The following LRRC18 variants were observed in gnomAD, a reference collection of about 807,000 sequenced individuals.
LRRC18 encodes leucine rich repeat containing 18, also known as leucine-rich repeat-containing protein 18.
In LRRC18, 12 loss-of-function variants were observed where a neutral mutation model predicts 11.2. The ratio of observed to expected loss-of-function variants is 1.07; its 90% CI spans 0.69 to 1.74. The LOEUF is 1.74. Among genes scored for constraint, LRRC18 ranks in the 40% most tolerant of loss-of-function variants. LRRC18 has a pLI of 0.00. For missense variants in LRRC18, 374 were observed against 330.5 expected (o/e 1.13, Z -1.02); for synonymous variants, 155 against 130.6 (o/e 1.19, Z -1.27).
At chr10:48,936,833 G>A in the LRRC18 span, among the ~76,000 whole-genome samples, 7 of 137,326 alleles carry the variant, frequency 5.1e-5, no homozygotes, top group East Asian at 4.4e-4. Flanking sequence ...GTGAGACTCC[G>A]TCTCAAAAAA....
the LRRC18 span, among the ~76,000 whole-genome samples, chr10:48,938,373 G>C: frequency 4.6e-5 from 7 of 152,256 alleles, no homozygotes; most frequent in African/African-American, 1.7e-4. Flanking sequence ...ACTCCTTCCA[G>C]GGCTGAGAGG....
chr10:48,929,717 T>C, the LRRC18 span, among the ~76,000 whole-genome samples: 130 of 152,204 alleles, frequency 8.5e-4, no homozygotes, highest in Non-Finnish European at 1.7e-3. Context: ...CATTTCTTCT[T>C]GGATGATGAT....
chr10:48,927,495 A>G, the LRRC18 span, among the ~76,000 whole-genome samples: 2 of 152,234 alleles, frequency 1.3e-5, no homozygotes, highest in African/African-American at 4.8e-5. Context: ...CCTGTAAAGT[A>G]GCAAATGGAG....
chr10:48,927,925 C>G, the LRRC18 span, among the ~76,000 whole-genome samples: 6 of 152,304 alleles, frequency 3.9e-5, no homozygotes, highest in South Asian at 1.2e-3. Flanking sequence ...GTTTAACAGA[C>G]TAGAAATGCC....
chr10:48,912,735 G>T (rs1028880552), intron 1 of LRRC18, among the ~76,000 whole-genome samples: 1 of 152,246 alleles, frequency 6.6e-6, no homozygotes, highest in African/African-American at 2.4e-5. Flanking sequence ...GGATGGGAGT[G>T]CAACTTCATT....
At chr10:48,927,739 A>C in the LRRC18 span, among the ~76,000 whole-genome samples, 124 of 152,346 alleles carry the variant, frequency 8.1e-4, 1 homozygote, top group Non-Finnish European at 1.4e-3. Flanking sequence ...TTCAACTTTT[A>C]TTTGGAGCAA....
At chr10:48,931,490 G>A in the LRRC18 span, among the ~76,000 whole-genome samples, 6,161 of 152,254 alleles carry the variant, frequency 0.04, 235 homozygotes, top group African/African-American at 0.091. Flanking sequence ...GTGGCCTGTT[G>A]TGAGAGGGTG....
upstream of LRRC18, among the ~76,000 whole-genome samples, chr10:48,917,081 T>C (rs138757422): frequency 6.7e-4 from 102 of 152,340 alleles, no homozygotes; most frequent in African/African-American, 2.1e-3. Flanking sequence ...TAACATGCTG[T>C]ACAGGTCTGT....
At chr10:48,921,847 A>G in the LRRC18 span, among the ~76,000 whole-genome samples, 38 of 152,322 alleles carry the variant, frequency 2.5e-4, no homozygotes, top group African/African-American at 8.9e-4. Context: ...CTGCAACTAG[A>G]GTTCTCATTC....
chr10:48,912,797 C>T (rs1338122321), intron 1 of LRRC18, among the ~76,000 whole-genome samples: 1 of 152,214 alleles, frequency 6.6e-6, no homozygotes. Flanking sequence ...GCTCATAGAG[C>T]AAGTTATGCA....
At chr10:48,936,480 GAA>G in the LRRC18 span, among the ~76,000 whole-genome samples, 2 of 152,104 alleles carry the variant, frequency 1.3e-5, no homozygotes, top group African/African-American at 4.8e-5. Context: ...ATCAATATTT[GAA>G]AGAGGAAAAT....
the LRRC18 span, among the ~76,000 whole-genome samples, chr10:48,939,037 T>C: frequency 0.93 from 141,982 of 152,254 alleles, 66,484 homozygotes; most frequent in East Asian, 1. Flanking sequence ...CAGTCTTGTC[T>C]TGTAGCTCAA....
At chr10:48,926,031 A>T in the LRRC18 span, among the ~76,000 whole-genome samples, 5 of 152,234 alleles carry the variant, frequency 3.3e-5, no homozygotes, top group Non-Finnish European at 7.3e-5. Flanking sequence ...AATGTGTCTG[A>T]TACGCAAGCT....
chr10:48,933,983 C>T, the LRRC18 span, among the ~76,000 whole-genome samples: 1 of 152,134 alleles, frequency 6.6e-6, no homozygotes, highest in Admixed American at 6.5e-5. Flanking sequence ...CAGACAACCA[C>T]AGGGCTCAGG....
chr10:48,912,316 T>C (rs12267434), intron 1 of LRRC18, among the ~76,000 whole-genome samples: 12,788 of 152,284 alleles, frequency 0.084, 1,190 homozygotes, highest in African/African-American at 0.23. Context: ...CTGCCTGTTT[T>C]AGAGGCACAG....
the LRRC18 span, among the ~76,000 whole-genome samples, chr10:48,934,206 C>T: frequency 2.0e-5 from 3 of 152,182 alleles, no homozygotes; most frequent in African/African-American, 4.8e-5. Context: ...ACATAGCATC[C>T]GTGTTGTTGA....
intron 1 of LRRC18, among the ~76,000 whole-genome samples, chr10:48,911,482 CACAAG>C (rs1837999605): frequency 6.6e-6 from 1 of 152,164 alleles, no homozygotes; most frequent in Admixed American, 6.5e-5. Flanking sequence ...AGGCTCTCAT[CACAAG>C]ACTATTCCCA....
At chr10:48,916,555 T>C (rs2133539865), upstream of LRRC18, among the ~76,000 whole-genome samples, 1 of 152,284 alleles carries the variant, frequency 6.6e-6, no homozygotes, top group South Asian at 2.1e-4. Context: ...CACTTGGCTC[T>C]AGAGGCAGAA....
chr10:48,910,360 C>T, intron 1 of LRRC18, 102 bp from the exon 4 acceptor site: 2 of 1,010,020 alleles, frequency 2.0e-6, no homozygotes, highest in South Asian at 2.5e-5. Context: ...CATGCCTGAC[C>T]TTCAGGATGG....
Sources: gnomAD v4.1 joint callset for allele counts (sites outside exome capture counted in the v4.1 genomes callset) on GRCh38, gnomAD v4.1.1 for gene constraint, MANE v1.5 for transcripts, NCBI Gene and HGNC (gene_info 2026-07-23, HGNC 2026-07-21) for gene names.